VPS13C: variants seen among roughly 807,000 people sequenced by gnomAD.
VPS13C encodes the protein intermembrane lipid transfer protein VPS13C.
VPS13C carries 358 observed loss-of-function variants against 456.8 expected under a neutral mutation model. The ratio of observed to expected loss-of-function variants is 0.78; its 90% CI spans 0.72 to 0.86. VPS13C has a LOEUF of 0.86. Among genes scored for constraint, VPS13C ranks in the 40% least tolerant of loss-of-function variants. The pLI, the probability that VPS13C is intolerant of heterozygous loss-of-function variation, is 0.00. For synonymous variants in VPS13C, 1,578 were observed against 1,486.7 expected, an observed-to-expected ratio of 1.06 and a Z score of -1.41; for missense variants, 4,818 against 4,385.4, an observed-to-expected ratio of 1.10 and a Z score of -2.79.
In VPS13C at chr15:61,974,351, C is replaced by T. The variant is rs754606218; in HGVS notation, c.2475G>A (p.Val825=). 2 of 1,612,720 alleles carry T rather than the reference C, an allele frequency of 1.2e-6. No individual in the cohort carries two copies. The highest frequency in any genetic ancestry group is 1.7e-6 in the Non-Finnish European group (2 of 1,179,054). Residue 825 remains valine (V), a synonymous_variant, in exon 25 of 85, where the codon GTG becomes GTA. Coordinates refer to ENST00000644861, the MANE Select transcript of VPS13C (RefSeq NM_020821.3). ...AAGGTATACTGTTCATCAAATATAG[C>T]ACATCTTTCATCTTCTGGTCAGAAA... ...VRISDQKMKD[V]LYLMNSIPLP...
At chr15:61,926,334 A>C (rs1265480740) in intron 52 of VPS13C, among the ~76,000 whole-genome samples, 2 of 152,218 alleles carry the variant, frequency 1.3e-5, no homozygotes, top group African/African-American at 4.8e-5. Context: ...CAGTAGTTTG[A>C]GGCTGTAGTG....
At position 61,875,769 on chromosome 15, in the gene VPS13C, G is replaced by A; in HGVS notation, c.10301C>T (p.Ser3434Phe). ...GNPFGLIRGL[S>F]EGVEALFYEP... ...ATAGAATAAAGCTTCAACTCCTTCA[G>A]ACAGACCTCTAATTAATCCAAATGG... The change falls in exon 76 of 85, where the codon TCT becomes TTT. Residue 3434 changes from serine to phenylalanine, a missense_variant. By Grantham distance (155) the Ser-to-Phe change is radical. This residue lies in a region of VPS13C where 4,552 missense variants were observed against 4,130.6 expected (regional missense o/e 1.10). Coordinates refer to ENST00000644861, the MANE Select transcript of VPS13C (RefSeq NM_020821.3). 1 of 1,610,942 alleles carries A rather than the reference G, an allele frequency of 6.2e-7. No individual in the cohort carries two copies. The highest frequency in any genetic ancestry group is 8.5e-7 in the Non-Finnish European group (1 of 1,178,628).
At chr15:61,875,933 A>T (rs1252260640) in intron 75 of VPS13C, 88 bp from the exon 76 acceptor site, 1 of 918,778 alleles carries the variant, frequency 1.1e-6, no homozygotes, top group Non-Finnish European at 1.6e-6. Context: ...TTTACTGATA[A>T]AATTAAGTTT....
chr15:61,866,832 C>T (rs931512958), intron 81 of VPS13C: 25 of 973,502 alleles, frequency 2.6e-5, no homozygotes, highest in Non-Finnish European at 3.1e-5. Flanking sequence ...CCTTAAAATA[C>T]ATAATCCAAC....
rs571723759 is a variant in VPS13C, at chr15:61,900,379, A to C, written c.9105+6885T>G. Reference sequence around the variant, plus strand: ...TTAGAAAACCCCACCGTCTCAGCCCAAAATCTCCTTAAGCTGATAAGCAAC... The same window carrying C: ...TTAGAAAACCCCACCGTCTCAGCCCCAAATCTCCTTAAGCTGATAAGCAAC... On this transcript the variant is annotated intron_variant, in intron 66 of 84. Coordinates refer to ENST00000644861, the MANE Select transcript of VPS13C (RefSeq NM_020821.3). 3.4e-3 allele frequency among the ~76,000 whole-genome samples: 515 copies of C among 152,368 alleles called. 7 individuals carry two copies. Among genetic ancestry groups the C allele is most frequent in the African/African-American group, 0.011 (477 of 41,584 alleles).
intron 4 of VPS13C, 138 bp downstream of exon 4, chr15:62,034,817 CAT>C: frequency 2.0e-6 from 1 of 495,768 alleles, no homozygotes; most frequent in Non-Finnish European, 3.6e-6. Context: ...TAAAAGTATG[CAT>C]ATAAGTGCAT....
chr15:61,917,278 T>G (rs1447444321), intron 60 of VPS13C, 63 bp downstream of exon 60: 2 of 1,528,804 alleles, frequency 1.3e-6, no homozygotes, highest in Non-Finnish European at 8.9e-7. Flanking sequence ...AAAAATACCA[T>G]AAAACAAAAT....
intron 81 of VPS13C, 168 bp from the exon 82 acceptor site, chr15:61,863,696 T>G (rs1240483828): frequency 2.2e-6 from 1 of 447,808 alleles, no homozygotes; most frequent in Non-Finnish European, 4.0e-6. Context: ...CACAGCATGT[T>G]TGTAAGTTAA....
chr15:62,035,178 T>C (rs1351392335), intron 3 of VPS13C, 126 bp from the exon 4 acceptor site: 3 of 476,640 alleles, frequency 6.3e-6, no homozygotes, highest in Admixed American at 8.2e-5. Flanking sequence ...TCAGAAAAAA[T>C]GAAAAAAATC....
chr15:62,040,548 A>G (rs1032100676), intron 3 of VPS13C, among the ~76,000 whole-genome samples: 5 of 152,070 alleles, frequency 3.3e-5, no homozygotes, highest in Non-Finnish European at 5.9e-5. Context: ...GGGGACTCCA[A>G]AAAGGGGTAG....
chr15:61,877,023 A>G lies in VPS13C; in HGVS notation c.10174T>C (p.Tyr3392His). The G allele has an allele frequency of 6.2e-7, 1 of 1,609,876 alleles. No homozygotes were observed. The highest frequency in any genetic ancestry group is 1.1e-5 in the South Asian group (1 of 90,548). Residue 3392 changes from tyrosine to histidine, a missense_variant, in exon 75 of 85, where the codon TAC becomes CAC. By Grantham distance (83) the Tyr-to-His change is moderately conservative. Coordinates refer to ENST00000644861, the MANE Select transcript of VPS13C (RefSeq NM_020821.3). Reference sequence around the variant, plus strand: ...CTCCATATAAGCTGATCTCTCTTGTAGAACTGATATCGAATTTCATAATAA... The same window carrying G: ...CTCCATATAAGCTGATCTCTCTTGTGGAACTGATATCGAATTTCATAATAA... ...LAYYEIRYQF[Y>H]KRDQLIWSVV...
chr15:62,002,245 T>C (rs1389475564), intron 15 of VPS13C, among the ~76,000 whole-genome samples: 1 of 152,236 alleles, frequency 6.6e-6, no homozygotes, highest in South Asian at 2.1e-4. Flanking sequence ...ATTGTGGTTT[T>C]GATTTGCATT....
At position 61,909,045 on chromosome 15, in the gene VPS13C, T is replaced by C; in HGVS notation, c.8925A>G (p.Ala2975=). 1 of 1,613,932 alleles carries C rather than the reference T, an allele frequency of 6.2e-7. No homozygotes were observed. Residue 2975 remains alanine (A), a synonymous_variant, in exon 65 of 85, where the codon GCA becomes GCG. Coordinates refer to ENST00000644861, the MANE Select transcript of VPS13C (RefSeq NM_020821.3). The part of the protein sequence containing the change: ...ITFSDYHEGS[A]PALIMNHTPW... Reference sequence around the variant, plus strand: ...GTGTATGGTTCATTATCAAGGCAGGTGCAGATCCCTCATGGTAATCAGAAA... The same window carrying C: ...GTGTATGGTTCATTATCAAGGCAGGCGCAGATCCCTCATGGTAATCAGAAA...
intron 5 of VPS13C, among the ~76,000 whole-genome samples, chr15:62,030,303 G>A (rs1318758618): frequency 6.6e-6 from 1 of 152,094 alleles, no homozygotes; most frequent in African/African-American, 2.4e-5. Context: ...TTTGGATATT[G>A]GTCCCCTCCA....
At position 62,007,432 on chromosome 15, in the gene VPS13C, T is replaced by G; in HGVS notation, c.1166A>C (p.Tyr389Ser). ...DSVLEVHIRR[Y>S]TQMWSWSNIK... is the part of the protein sequence containing the mutation. Reference sequence around the variant, plus strand: ...GTTACTCCATGACCACATCTGTGTATACCTTCTTATATGAACTTCAAGAAC... The same window carrying G: ...GTTACTCCATGACCACATCTGTGTAGACCTTCTTATATGAACTTCAAGAAC... Residue 389 changes from tyrosine to serine, a missense_variant, in exon 15 of 85, where the codon TAT becomes TCT. Transcript: ENST00000644861. 1 of 1,607,750 alleles carries G rather than the reference T, an allele frequency of 6.2e-7. No homozygotes were observed. The highest frequency in any genetic ancestry group is 8.5e-7 in the Non-Finnish European group (1 of 1,178,110).
rs753213607 is a variant in VPS13C, at chr15:61,854,869, A to AC, written c.11160+1dup. 6.2e-7 allele frequency: 1 copy of AC among 1,601,044 alleles called. No homozygotes were observed. Among genetic ancestry groups the AC allele is most frequent in the Non-Finnish European group, 8.5e-7 (1 of 1,176,790 alleles). On this transcript the variant is annotated splice_donor_variant, in intron 84 of 84. Transcript: ENST00000644861. LOFTEE classifies it high-confidence loss of function. ...TTGAGGCATGCTCTTTAAATTGTTT[A>AC]CCTCTGCTGTGGCGGTGTCCTTCAG...
intron 38 of VPS13C, among the ~76,000 whole-genome samples, chr15:61,952,535 G>T (rs564621245): frequency 1.3e-5 from 2 of 152,222 alleles, no homozygotes; most frequent in African/African-American, 4.8e-5. Context: ...TTGTGTGTGT[G>T]TGTTAAGTAT....
chr15:61,927,961 A>G (rs1328074906), intron 51 of VPS13C, among the ~76,000 whole-genome samples: 1 of 148,346 alleles, frequency 6.7e-6, no homozygotes, highest in East Asian at 2.1e-4. Flanking sequence ...CAAACACTGC[A>G]TGTTCTCACT....
chr15:62,000,258 A>T (rs28650099), intron 16 of VPS13C, among the ~76,000 whole-genome samples: 11,906 of 152,126 alleles, frequency 0.078, 988 homozygotes, highest in African/African-American at 0.21. Context: ...CCCAGCTCTC[A>T]GGAGGCTGAG....
Sources: allele counts gnomAD v4.1 joint callset (sites outside exome capture counted in the v4.1 genomes callset), GRCh38; gene constraint gnomAD v4.1.1; regional missense constraint gnomAD v4.1.1; transcripts MANE v1.5; gene names NCBI Gene and HGNC (gene_info 2026-07-23, HGNC 2026-07-21).